Variants in AUTS2 observed in about 807,000 individuals in gnomAD.
AUTS2 encodes activator of transcription and developmental regulator AUTS2, also known as autism susceptibility gene 2 protein.
AUTS2 carries 17 observed loss-of-function variants against 112.4 expected under a neutral mutation model. The ratio of observed to expected loss-of-function variants is 0.15; its 90% CI spans 0.10 to 0.23. AUTS2 has a LOEUF of 0.23. Among genes scored for constraint, AUTS2 ranks in the 10% least tolerant of loss-of-function variants. The pLI is 1.00. For synonymous variants in AUTS2, 751 were observed against 702.7 expected (o/e 1.07, Z -1.09); for missense variants, 1,510 against 1,701.6 (o/e 0.89, Z 1.98).
chr7:69,905,890 T>C (rs1277245738), intron 2 of AUTS2, among the ~76,000 whole-genome samples: 1 of 152,174 alleles, frequency 6.6e-6, no homozygotes, highest in East Asian at 1.9e-4. Flanking sequence ...GGGCCATAAT[T>C]CAGCTTGGGT....
chr7:69,911,191 G>T (rs1456183467), intron 2 of AUTS2, among the ~76,000 whole-genome samples: 1 of 152,230 alleles, frequency 6.6e-6, no homozygotes, highest in Non-Finnish European at 1.5e-5. Flanking sequence ...CACCAGAACA[G>T]GTGCTGGCTC....
At chr7:69,760,172 A>AT (rs1288590660) in intron 1 of AUTS2, among the ~76,000 whole-genome samples, 36 of 148,998 alleles carry the variant, frequency 2.4e-4, no homozygotes, top group African/African-American at 8.7e-4. Context: ...ATTGGAGATA[A>AT]TTAAAAAAAA....
chr7:70,208,352 TA>T (rs1446891291), intron 4 of AUTS2, among the ~76,000 whole-genome samples: 3 of 152,320 alleles, frequency 2.0e-5, no homozygotes, highest in African/African-American at 7.2e-5. Context: ...ACTATGTTAT[TA>T]AATAACTGGA....
At chr7:70,187,778 T>C (rs1438535088) in intron 4 of AUTS2, among the ~76,000 whole-genome samples, 2 of 146,974 alleles carry the variant, frequency 1.4e-5, no homozygotes, top group Admixed American at 6.8e-5. Flanking sequence ...TAGTCTTCTT[T>C]TTTTTTTTTT....
At chr7:70,571,504 G>A (rs1287425863) in intron 5 of AUTS2, among the ~76,000 whole-genome samples, 1 of 152,226 alleles carries the variant, frequency 6.6e-6, no homozygotes, top group Non-Finnish European at 1.5e-5. Context: ...TTTGATGGGA[G>A]AGAAGGCTGG....
At chr7:70,413,173 T>C (rs1794846690) in intron 4 of AUTS2, among the ~76,000 whole-genome samples, 1 of 152,224 alleles carries the variant, frequency 6.6e-6, no homozygotes. Flanking sequence ...GGTTCCAATA[T>C]GAGCAAAAGC....
intron 4 of AUTS2, among the ~76,000 whole-genome samples, chr7:70,170,067 A>G (rs548640841): frequency 1.9e-4 from 29 of 152,124 alleles, no homozygotes; most frequent in African/African-American, 6.7e-4. Context: ...GGGAATTTCA[A>G]ATAATAGAGG....
At chr7:70,205,096 G>A (rs915978583) in intron 4 of AUTS2, among the ~76,000 whole-genome samples, 1 of 152,158 alleles carries the variant, frequency 6.6e-6, no homozygotes, top group African/African-American at 2.4e-5. Flanking sequence ...AGGCTGGAGT[G>A]CAGTGGCATG....
intron 1 of AUTS2, among the ~76,000 whole-genome samples, chr7:69,752,147 C>A (rs1787765384): frequency 1.3e-5 from 2 of 152,224 alleles, no homozygotes; most frequent in African/African-American, 4.8e-5. Context: ...TGGTCTGGCA[C>A]TGGCTCCTAG....
At chr7:70,177,976 C>A (rs1292910641) in intron 4 of AUTS2, among the ~76,000 whole-genome samples, 1 of 149,232 alleles carries the variant, frequency 6.7e-6, no homozygotes, top group African/African-American at 2.5e-5. Context: ...AGTGCAGTGG[C>A]ATGATCTTGG....
At chr7:70,159,898 G>T (rs1465005481) in intron 4 of AUTS2, among the ~76,000 whole-genome samples, 1 of 152,038 alleles carries the variant, frequency 6.6e-6, no homozygotes, top group Non-Finnish European at 1.5e-5. Flanking sequence ...TTTTATCATG[G>T]TGAAGGGTAT....
chr7:70,296,271 C>T (rs1788930275), intron 4 of AUTS2, among the ~76,000 whole-genome samples: 1 of 152,192 alleles, frequency 6.6e-6, no homozygotes, highest in African/African-American at 2.4e-5. Context: ...CTGATGGGAA[C>T]AAAGTCATTT....
intron 2 of AUTS2, among the ~76,000 whole-genome samples, chr7:70,010,096 T>A (rs1799726244): frequency 6.6e-6 from 1 of 152,210 alleles, no homozygotes; most frequent in South Asian, 2.1e-4. Context: ...AAGTTACCTG[T>A]GAGCCTTGCT....
At chr7:70,407,332 C>G (rs1383097559) in intron 4 of AUTS2, among the ~76,000 whole-genome samples, 1 of 152,172 alleles carries the variant, frequency 6.6e-6, no homozygotes, top group Non-Finnish European at 1.5e-5. Context: ...CTCAGCTTTT[C>G]CAGGCTCTTT....
Position 69,913,503 on chromosome 7 carries a change from G to T in AUTS2, c.522+14005G>T, listed in dbSNP as rs181710399. ...TTTCTTCTTTCCACTGAAATGTTGA[G>T]CTCCTCGAGGACCTCACTGTGTGAC... On this transcript the variant is annotated intron_variant, in intron 2 of 18. Transcript: ENST00000342771. Among the ~76,000 whole-genome samples, 18 of 152,272 alleles carry T rather than the reference G, an allele frequency of 1.2e-4. No homozygotes were observed. In the East Asian group the frequency reaches 3.3e-3, roughly 28 times the overall value.
intron 4 of AUTS2, among the ~76,000 whole-genome samples, chr7:70,415,658 A>T (rs1794958658): frequency 6.6e-6 from 1 of 152,168 alleles, no homozygotes; most frequent in Non-Finnish European, 1.5e-5. Context: ...TTGTAACAAG[A>T]TCACAGCAAC....
At chr7:70,297,467 G>A (rs1387046954) in intron 4 of AUTS2, among the ~76,000 whole-genome samples, 1 of 145,542 alleles carries the variant, frequency 6.9e-6, no homozygotes, top group Non-Finnish European at 1.5e-5. Flanking sequence ...GTCTCGCTCT[G>A]TCACCCAGAC....
chr7:70,110,543 TAAATA>T (rs1411542215), intron 2 of AUTS2, among the ~76,000 whole-genome samples: 1 of 152,064 alleles, frequency 6.6e-6, no homozygotes, highest in Non-Finnish European at 1.5e-5. Context: ...AACAAATAAA[TAAATA>T]AATTATTAAC....
chr7:70,340,028 G>T (rs1407834880), intron 4 of AUTS2, among the ~76,000 whole-genome samples: 1 of 152,092 alleles, frequency 6.6e-6, no homozygotes, highest in African/African-American at 2.4e-5. Context: ...CTTTTACTTA[G>T]CTATTTAATA....
Sources: gnomAD v4.1 joint callset for allele counts (sites outside exome capture counted in the v4.1 genomes callset) on GRCh38, gnomAD v4.1.1 for gene constraint, MANE v1.5 for transcripts, NCBI Gene and HGNC (gene_info 2026-07-23, HGNC 2026-07-21) for gene names.